RALGPS1: variants seen among roughly 807,000 people sequenced by gnomAD.
RALGPS1 encodes the protein ras-specific guanine nucleotide-releasing factor RalGPS1.
In RALGPS1, 19 loss-of-function variants were observed where a neutral mutation model predicts 78.8. That is an observed-to-expected ratio of 0.24 (90% confidence interval 0.17 to 0.35). RALGPS1 has a LOEUF of 0.35. Among genes scored for constraint, RALGPS1 ranks in the 10% least tolerant of loss-of-function variants. The probability of loss-of-function intolerance (pLI) is 1.00; values close to 1 mark genes in which losing one functional copy is unlikely to be tolerated. For missense variants in RALGPS1, 454 were observed against 688.3 expected, an observed-to-expected ratio of 0.66 and a Z score of 3.81; for synonymous variants, 228 against 256.3, an observed-to-expected ratio of 0.89 and a Z score of 1.06.
At chr9:126,989,071 A>G (rs1342250455) in intron 4 of RALGPS1, among the ~76,000 whole-genome samples, 2 of 152,054 alleles carry the variant, frequency 1.3e-5, no homozygotes, top group African/African-American at 4.8e-5. Context: ...CCACCTTATC[A>G]TCATCATCAT....
intron 4 of RALGPS1, among the ~76,000 whole-genome samples, chr9:126,981,759 G>A (rs993737589): frequency 6.6e-6 from 1 of 152,136 alleles, no homozygotes; most frequent in African/African-American, 2.4e-5. Context: ...TACTGTATTA[G>A]TCCTCTGTTG....
intron 8 of RALGPS1, among the ~76,000 whole-genome samples, chr9:127,144,819 A>G (rs1015379437): frequency 6.6e-6 from 1 of 152,204 alleles, no homozygotes; most frequent in South Asian, 2.1e-4. Flanking sequence ...CAGAAAGTAC[A>G]TTAGTGGTAG....
intron 5 of RALGPS1, among the ~76,000 whole-genome samples, chr9:127,046,166 C>G (rs1041852521): frequency 2.0e-5 from 3 of 152,146 alleles, no homozygotes; most frequent in African/African-American, 7.2e-5. Context: ...TAAATATCCA[C>G]AAATCTATAC....
In RALGPS1 at chr9:127,091,524, A is replaced by G; in HGVS notation, c.610+22168A>G. On this transcript the variant is annotated intron_variant, in intron 8 of 18. Coordinates refer to ENST00000259351, the MANE Select transcript of RALGPS1 (RefSeq NM_014636.3). This position sits in a 1 kb window ranked among gnomAD's most constrained non-coding sequence, Gnocchi z 4.3. ...CCTGTGGGCAGGAGAAGGGACCCTC[A>G]GGGGGTGGTAACAGGGTCAGGCAGC... 9.0e-7 allele frequency: 1 copy of G among 1,106,002 alleles called. No individual in the cohort carries two copies. Among genetic ancestry groups the G allele is most frequent in the Non-Finnish European group, 1.3e-6 (1 of 774,784 alleles). The allele number at this position is 1,106,002 out of a possible 1,614,324, so 68.5% of individuals were successfully genotyped here. A position where few individuals can be genotyped will look rare whatever the true frequency, so the allele number is the denominator to read the frequency against.
chr9:126,970,201 G>A (rs547651288), intron 3 of RALGPS1, among the ~76,000 whole-genome samples: 1 of 152,220 alleles, frequency 6.6e-6, no homozygotes, highest in Non-Finnish European at 1.5e-5. Flanking sequence ...GAACAAAATT[G>A]TAGTAAACCT....
intron 8 of RALGPS1, among the ~76,000 whole-genome samples, chr9:127,148,098 C>T (rs547190919): frequency 6.6e-6 from 1 of 152,354 alleles, no homozygotes; most frequent in East Asian, 1.9e-4. Context: ...TATAATTATA[C>T]TTTTTTGAGC....
intron 8 of RALGPS1, among the ~76,000 whole-genome samples, chr9:127,084,036 G>A (rs767522638): frequency 6.6e-6 from 1 of 152,002 alleles, no homozygotes; most frequent in East Asian, 1.9e-4. Flanking sequence ...TCAGCTTCCC[G>A]AGTAGCTAGG....
chr9:127,181,096 C>T (rs2060189966), intron 11 of RALGPS1, among the ~76,000 whole-genome samples: 1 of 152,262 alleles, frequency 6.6e-6, no homozygotes, highest in African/African-American at 2.4e-5. Flanking sequence ...TGCTGCCACA[C>T]TCTGCTGCTC....
At chr9:127,105,348 C>A (rs1035001432) in intron 8 of RALGPS1, among the ~76,000 whole-genome samples, 2 of 152,208 alleles carry the variant, frequency 1.3e-5, no homozygotes, top group African/African-American at 2.4e-5. Flanking sequence ...TGGATACACA[C>A]AGCCCACACT....
intron 1 of RALGPS1, among the ~76,000 whole-genome samples, chr9:126,921,331 G>T (rs1387908650): frequency 6.6e-6 from 1 of 152,214 alleles, no homozygotes; most frequent in African/African-American, 2.4e-5. Context: ...TTGTCTGTAA[G>T]TGTTTCCTCC....
chr9:127,008,773 T>C (rs1299421981), intron 4 of RALGPS1, among the ~76,000 whole-genome samples: 1 of 152,178 alleles, frequency 6.6e-6, no homozygotes, highest in Admixed American at 6.5e-5. Context: ...TGAAAATAAT[T>C]GTACCCACTT....
intron 4 of RALGPS1, among the ~76,000 whole-genome samples, chr9:126,981,084 A>G (rs115466421): frequency 6.6e-6 from 1 of 151,990 alleles, no homozygotes; most frequent in Non-Finnish European, 1.5e-5. Flanking sequence ...CTGTTTGCCA[A>G]CTCTGTGCTT....
At chr9:126,990,261 A>G in intron 4 of RALGPS1, 1 of 461,220 alleles carries the variant, frequency 2.2e-6, no homozygotes, top group Non-Finnish European at 3.9e-6. Flanking sequence ...TCTCTCTGCT[A>G]CACCAACCTA....
At chr9:127,048,690 A>T (rs1193865100) in intron 5 of RALGPS1, among the ~76,000 whole-genome samples, 2 of 152,240 alleles carry the variant, frequency 1.3e-5, no homozygotes, top group Admixed American at 1.3e-4. Flanking sequence ...AAACTATCAC[A>T]CTTGAGTGTG....
chr9:126,965,556 C>G (rs1365422380), intron 2 of RALGPS1, among the ~76,000 whole-genome samples: 1 of 152,192 alleles, frequency 6.6e-6, no homozygotes, highest in South Asian at 2.1e-4. Context: ...CTGGCTTTCC[C>G]TTTCATAGCT....
intron 17 of RALGPS1, 48 bp from the exon 18 acceptor site, chr9:127,214,703 C>G: frequency 1.3e-6 from 2 of 1,566,434 alleles, no homozygotes; most frequent in Non-Finnish European, 1.7e-6. Flanking sequence ...CACCAGCTGA[C>G]CCTCCTACGT....
intron 4 of RALGPS1, among the ~76,000 whole-genome samples, chr9:126,993,804 C>T (rs768047188): frequency 1.3e-5 from 2 of 152,114 alleles, no homozygotes; most frequent in East Asian, 1.9e-4. Context: ...ACACCTCACA[C>T]GACCGGGCAC....
At chr9:127,031,622 A>T (rs1462373565) in intron 4 of RALGPS1, among the ~76,000 whole-genome samples, 1 of 152,226 alleles carries the variant, frequency 6.6e-6, no homozygotes, top group Non-Finnish European at 1.5e-5. Context: ...GAAGGAACTG[A>T]TGCTGAGAGA....
At chr9:126,963,080 GGGATAGGTT>G (rs1464994909) in intron 2 of RALGPS1, among the ~76,000 whole-genome samples, 406 of 152,238 alleles carry the variant, frequency 2.7e-3, no homozygotes, top group African/African-American at 9.2e-3. Context: ...TCCTGAAATC[GGGATAGGTT>G]TAAGTAAAGC....
Sources: allele counts gnomAD v4.1 joint callset (sites outside exome capture counted in the v4.1 genomes callset), GRCh38; gene constraint gnomAD v4.1.1; non-coding constraint Gnocchi (gnomAD v3.1); transcripts MANE v1.5; gene names NCBI Gene and HGNC (gene_info 2026-07-23, HGNC 2026-07-21).